MYH7B: variants seen among roughly 807,000 people sequenced by gnomAD.
The protein encoded by MYH7B is myosin heavy chain 7B.
Under a neutral mutation model 234.5 loss-of-function variants are expected in MYH7B, and 205 were observed. That is an observed-to-expected ratio of 0.87 (90% CI 0.78 to 0.98). MYH7B has a LOEUF of 0.98. Among genes scored for constraint, MYH7B ranks in the 50% least tolerant of loss-of-function variants. The probability of loss-of-function intolerance (pLI) is 0.00; values close to 1 mark genes in which losing one functional copy is unlikely to be tolerated. For synonymous variants in MYH7B, 1,193 were observed against 1,105.0 expected (o/e 1.08, Z -1.58); for missense variants, 2,652 against 2,633.4 (o/e 1.01, Z -0.15).
At chr20:34,976,857 G>C (rs2081860209) in intron 3 of MYH7B, among the ~76,000 whole-genome samples, 1 of 152,200 alleles carries the variant, frequency 6.6e-6, no homozygotes, top group Non-Finnish European at 1.5e-5. Context: ...TACATTTTCA[G>C]CCATATACAT....
chr20:34,993,317 T>A lies in MYH7B; in HGVS notation c.2308-17T>A. Reference sequence around the variant, plus strand: ...ATGGTTGGGGGTTACCCTGGCTGTCTACCTCTCCGCCCCCAGGTGTTCTTC... The same window carrying A: ...ATGGTTGGGGGTTACCCTGGCTGTCAACCTCTCCGCCCCCAGGTGTTCTTC... On this transcript the variant is annotated splice_polypyrimidine_tract_variant and intron_variant, in intron 25 of 44. Transcript: ENST00000262873. 1.2e-6 allele frequency: 2 copies of A among 1,614,040 alleles called. No homozygotes were observed. Among genetic ancestry groups the A allele is most frequent in the Non-Finnish European group, 1.7e-6 (2 of 1,179,986 alleles).
intron 26 of MYH7B, among the ~76,000 whole-genome samples, 186 bp downstream of exon 26, chr20:34,993,656 T>C (rs926974842): frequency 6.6e-6 from 1 of 152,244 alleles, no homozygotes; most frequent in Non-Finnish European, 1.5e-5. Context: ...GGTACGGCAC[T>C]TGCCTCTCCA....
intron 7 of MYH7B, chr20:34,980,058 A>G (rs2081919686): frequency 1.9e-6 from 1 of 540,070 alleles, no homozygotes; most frequent in East Asian, 3.2e-5. Context: ...GGGCGGGTCT[A>G]GAACTCACCT....
At chr20:35,002,196 A>C in exon 45 of MYH7B, 1 of 1,523,226 alleles carries the variant, frequency 6.6e-7, no homozygotes, top group Non-Finnish European at 8.8e-7. Context: ...TGACGGCCTG[A>C]CCCCCTGGGC....
chr20:34,979,922 G>T, intron 7 of MYH7B, 118 bp downstream of exon 7: 5 of 1,193,836 alleles, frequency 4.2e-6, no homozygotes, highest in Non-Finnish European at 5.8e-6. Context: ...GTGGATCGGG[G>T]CTGTGAATGA....
chr20:34,956,185 T>A (rs2081631395), intron 1 of MYH7B, among the ~76,000 whole-genome samples, 178 bp downstream of exon 1: 1 of 152,096 alleles, frequency 6.6e-6, no homozygotes, highest in Non-Finnish European at 1.5e-5. Flanking sequence ...GGGCTGAGCC[T>A]GTATTAGAAC....
chr20:34,988,987 T>G (rs951942959), intron 19 of MYH7B, among the ~76,000 whole-genome samples: 2 of 152,174 alleles, frequency 1.3e-5, no homozygotes, highest in Non-Finnish European at 2.9e-5. Context: ...TTTTTGTATT[T>G]TTAATAGAGA....
Position 34,999,300 on chromosome 20 carries a change from AG to A in MYH7B, c.4438del (p.Glu1480SerfsTer44). 1 of 1,585,614 alleles carries A rather than the reference AG, an allele frequency of 6.3e-7. No individual in the cohort carries two copies. Among genetic ancestry groups the A allele is most frequent in the Non-Finnish European group, 8.6e-7 (1 of 1,165,488 alleles). ...GCAGCGGGAGCTGGAGGCGGCACAG[AG>A]GGAGTCCCGTGGCCTGGGCACCGAG... On this transcript the variant is annotated frameshift_variant, in exon 36 of 45. Coordinates refer to ENST00000262873, the Ensembl canonical transcript of MYH7B. LOFTEE classifies it high-confidence loss of function.
chr20:34,991,829 C>T (rs1038453097), intron 24 of MYH7B, among the ~76,000 whole-genome samples: 8 of 152,232 alleles, frequency 5.3e-5, no homozygotes, highest in Admixed American at 2.6e-4. Context: ...CGCACACACA[C>T]GCATGGTGCT....
At chr20:34,977,842 C>T in intron 4 of MYH7B, 92 bp from the exon 5 acceptor site, 5 of 1,548,556 alleles carry the variant, frequency 3.2e-6, no homozygotes, top group South Asian at 1.1e-5. Context: ...AAGGAGGCTG[C>T]ATTGGGAGCC....
At chr20:34,997,746 A>G in intron 32 of MYH7B, 106 bp downstream of exon 32, 1 of 1,357,536 alleles carries the variant, frequency 7.4e-7, no homozygotes, top group Non-Finnish European at 1.0e-6. Context: ...CCTTATCCTG[A>G]GCCCTGACCT....
chr20:34,992,821 T>G (rs2082179973), intron 24 of MYH7B, among the ~76,000 whole-genome samples: 1 of 152,142 alleles, frequency 6.6e-6, no homozygotes, highest in African/African-American at 2.4e-5. Flanking sequence ...CCACCCGCCT[T>G]GGCTTCCCAA....
intron 1 of MYH7B, among the ~76,000 whole-genome samples, chr20:34,956,721 G>A (rs2081639399): frequency 6.6e-6 from 1 of 152,176 alleles, no homozygotes; most frequent in South Asian, 2.1e-4. Context: ...AGAGGTGAGA[G>A]GCTGGGATGG....
rs763931668 is a variant in MYH7B, at chr20:34,991,098, G to T, written c.2160G>T (p.Leu720Phe). Residue 720 changes from leucine (L) to phenylalanine (F), a missense_variant, in exon 24 of 45, where the codon TTG becomes TTT. Around this residue, in one of 3 missense-constraint regions of MYH7B, gnomAD observed 2,279 missense variants for 2,211.4 expected, o/e 1.03. Coordinates refer to ENST00000262873, the Ensembl canonical transcript of MYH7B. ...GCCGCCAAGGGTTCCCCAACAGGTT[G>T]CTCTACACCGACTTCCGGCAGCGGT... 6 of 1,611,680 alleles carry T rather than the reference G, an allele frequency of 3.7e-6. No homozygotes were observed. In the African/African-American group the frequency reaches 8.0e-5, roughly 22 times the overall value.
At chr20:34,985,932 G>A (rs753301058) in intron 13 of MYH7B, among the ~76,000 whole-genome samples, 168 bp from the exon 14 acceptor site, 26 of 152,296 alleles carry the variant, frequency 1.7e-4, no homozygotes, top group Non-Finnish European at 2.8e-4. Context: ...CACACGGCTC[G>A]TGTGATGACG....
chr20:34,991,039 C>T (rs1008442282), exon 24 of MYH7B: 23 of 1,613,634 alleles, frequency 1.4e-5, no homozygotes, highest in Admixed American at 5.0e-5. Flanking sequence ...ACACCAGCTG[C>T]GCTGCAATGG....
chr20:35,000,296 C>A, exon 39 of MYH7B: 2 of 1,572,542 alleles, frequency 1.3e-6, no homozygotes, highest in Non-Finnish European at 1.7e-6. Flanking sequence ...CCCATAGGCG[C>A]AACCACCAGC....
chr20:34,986,201 G>A lies in MYH7B; in HGVS notation c.904+3G>A. On this transcript the variant is annotated splice_donor_region_variant and intron_variant, in intron 14 of 44. Transcript: ENST00000262873. The stretch of plus-strand genomic sequence containing the variant: ...AGGGAGGAAGCCAGAGCTGCAGGGT[G>A]AGGGGCAGTACGATGAAGGGGGTGG... The A allele has an allele frequency of 6.3e-7, 1 of 1,586,748 alleles. No individual in the cohort carries two copies. The highest frequency in any genetic ancestry group is 8.6e-7 in the Non-Finnish European group (1 of 1,164,974).
At chr20:34,983,099 T>C (rs1457784791) in intron 10 of MYH7B, among the ~76,000 whole-genome samples, 1 of 152,192 alleles carries the variant, frequency 6.6e-6, no homozygotes, top group African/African-American at 2.4e-5. Flanking sequence ...ATCCCTAGCC[T>C]TGGGGCCAGT....
Sources: allele counts gnomAD v4.1 joint callset (sites outside exome capture counted in the v4.1 genomes callset), GRCh38; gene constraint gnomAD v4.1.1; regional missense constraint gnomAD v4.1.1; transcripts MANE v1.5; gene names NCBI Gene and HGNC (gene_info 2026-07-23, HGNC 2026-07-21).